Variants in SLC9A6 observed in about 807,000 individuals in gnomAD.
The protein encoded by SLC9A6 is sodium/hydrogen exchanger 6.
Under a neutral mutation model 45.3 loss-of-function variants are expected in SLC9A6, and 6 were observed. The ratio of observed to expected loss-of-function variants is 0.13; its 90% confidence interval spans 0.07 to 0.26. The LOEUF is 0.26. Among genes scored for constraint, SLC9A6 ranks in the 10% least tolerant of loss-of-function variants. The pLI is 1.00. For synonymous variants in SLC9A6, 191 were observed against 187.7 expected, an observed-to-expected ratio of 1.02 and a Z score of -0.14; for missense variants, 278 against 503.7, an observed-to-expected ratio of 0.55 and a Z score of 4.29.
upstream of SLC9A6, among the ~76,000 whole-genome samples, chrX:135,974,469 G>A (rs1198874373): frequency 1.4e-5 from 1 of 72,198 alleles, no homozygotes; most frequent in Non-Finnish European, 2.7e-5. Flanking sequence ...TGGGACCGAG[G>A]GGGCGGGGAG....
At chrX:135,991,415 G>A (rs1168225394) in intron 2 of SLC9A6, among the ~76,000 whole-genome samples, 20 of 110,314 alleles carry the variant, frequency 1.8e-4, no homozygotes, top group Admixed American at 1.5e-3. Context: ...CTGCCACCAC[G>A]CCCGGCTAAT....
In SLC9A6 at chrX:135,994,727, G is replaced by A. The variant is rs2089475501; in HGVS notation, c.170-59G>A. 5.7e-6 allele frequency: 6 copies of A among 1,056,976 alleles called. No individual in the cohort carries two copies. The East Asian group carries it at 1.8e-4, about 32-fold the overall frequency. The allele number at this position is 1,056,976 out of a possible 1,213,427, so 87.1% of individuals were successfully genotyped here. Reference sequence around the variant, plus strand: ...TTTTCTCTTATCCATAGTTATGCGTGGGGTACAAAAGAAGTGGTCTCTGTC... The same window carrying A: ...TTTTCTCTTATCCATAGTTATGCGTAGGGTACAAAAGAAGTGGTCTCTGTC... On this transcript the variant is annotated intron_variant, in intron 2 of 17. Transcript: ENST00000630721.
intron 3 of SLC9A6, among the ~76,000 whole-genome samples, chrX:135,996,108 T>C (rs1173724201): frequency 9.9e-6 from 1 of 101,477 alleles, no homozygotes; most frequent in Non-Finnish European, 2.0e-5. Context: ...CTCAGCTCTC[T>C]GCAACCCCCG....
intron 11 of SLC9A6, among the ~76,000 whole-genome samples, chrX:136,017,601 A>G (rs2071044135): frequency 9.0e-6 from 1 of 111,317 alleles, no homozygotes; most frequent in Admixed American, 9.6e-5. Context: ...AGGATAGGGT[A>G]TGTAGAAATG....
chrX:135,996,259 T>A (rs1406782392), intron 3 of SLC9A6, among the ~76,000 whole-genome samples: 2 of 109,516 alleles, frequency 1.8e-5, no homozygotes, highest in Non-Finnish European at 1.9e-5. Flanking sequence ...CTCAAACTCC[T>A]GGACTCAGGC....
chrX:135,982,596 C>A, upstream of SLC9A6, among the ~76,000 whole-genome samples: 1 of 110,501 alleles, frequency 9.0e-6, no homozygotes, highest in Non-Finnish European at 1.9e-5. Context: ...TCCTCAGCCT[C>A]CTCAGTAGCT....
chrX:136,007,012 G>A (rs2089667973), intron 7 of SLC9A6, among the ~76,000 whole-genome samples: 1 of 110,660 alleles, frequency 9.0e-6, no homozygotes, highest in Admixed American at 9.6e-5. Context: ...GATTACAGGT[G>A]CACACCACCA....
intron 1 of SLC9A6, among the ~76,000 whole-genome samples, chrX:135,976,340 A>T (rs1603179900): frequency 8.9e-6 from 1 of 112,196 alleles, no homozygotes; most frequent in East Asian, 2.8e-4. Flanking sequence ...GTTTTGTCTA[A>T]AATAATGGTC....
chrX:136,012,734 A>G (rs1394570010), intron 8 of SLC9A6, among the ~76,000 whole-genome samples: 7 of 112,317 alleles, frequency 6.2e-5, no homozygotes, highest in Admixed American at 3.8e-4. Context: ...TGGAGTGGCT[A>G]AGCCGTAAGG....
intron 17 of SLC9A6, among the ~76,000 whole-genome samples, chrX:136,042,830 C>T (rs1240443407): frequency 2.7e-5 from 3 of 110,752 alleles, no homozygotes; most frequent in Non-Finnish European, 5.7e-5. Context: ...TTCATGGCTA[C>T]GTCCTATTCC....
In SLC9A6 at chrX:135,994,927, A is replaced by G. The variant is rs1411166605; in HGVS notation, c.311A>G (p.Lys104Arg). The G allele has an allele frequency of 4.2e-6, 5 of 1,203,501 alleles. No individual in the cohort carries two copies. Among genetic ancestry groups the G allele is most frequent in the Non-Finnish European group, 5.6e-6 (5 of 889,108 alleles). The change falls in exon 3 of 18, where the codon AAA (lysine) becomes AGA (arginine). Residue 104 changes from lysine to arginine, a missense_variant. Coordinates refer to ENST00000630721, the MANE Select transcript of SLC9A6 (RefSeq NM_001379110.1). ...VSGKFYEYMLKGEISSHELNN... is the reference protein window; with the variant it reads ...VSGKFYEYMLRGEISSHELNN... Reference sequence around the variant, plus strand: ...GGAAAATTTTATGAGTATATGCTGAAAGGAGAGATTAGTTCACATGAACTC... The same window carrying G: ...GGAAAATTTTATGAGTATATGCTGAGAGGAGAGATTAGTTCACATGAACTC...
At chrX:135,974,028 A>C (rs1449964039), upstream of SLC9A6, 4 of 522,240 alleles carry the variant, frequency 7.7e-6, no homozygotes, top group Non-Finnish European at 1.1e-5. Flanking sequence ...AGTGGCGAGA[A>C]CAGGGTGGGG....
rs782125993 is a variant in SLC9A6, at chrX:136,045,446, A to G, written c.*722A>G. The G allele has an allele frequency of 1.6e-3, 181 of 112,539 alleles. No individual in the cohort carries two copies. The highest frequency in any genetic ancestry group is 2.3e-3 in the Admixed American group (24 of 10,553). 9.3% of individuals were successfully genotyped at this position (112,539 alleles called of 1,213,427 possible). ...GGAGTCACATCTAGCCGGCTTAGCC[A>G]AAGTACAGGTGTATATAGTTCAGGG... On this transcript the variant is annotated 3_prime_UTR_variant, in exon 18 of 18. Coordinates refer to ENST00000630721, the MANE Select transcript of SLC9A6 (RefSeq NM_001379110.1).
intron 7 of SLC9A6, among the ~76,000 whole-genome samples, chrX:136,006,296 C>G (rs781885091): frequency 1.5e-4 from 16 of 108,602 alleles, no homozygotes; most frequent in African/African-American, 5.3e-4. Flanking sequence ...TTGTTTCTGT[C>G]TGGTTTTTTT....
intron 7 of SLC9A6, among the ~76,000 whole-genome samples, chrX:136,006,331 C>T (rs1267640742): frequency 2.8e-5 from 3 of 107,345 alleles, no homozygotes; most frequent in African/African-American, 1.0e-4. Flanking sequence ...ATTTTAAGTT[C>T]AAGGGTACAT....
intron 13 of SLC9A6, among the ~76,000 whole-genome samples, chrX:136,028,261 T>C (rs1417353791): frequency 8.9e-6 from 1 of 112,320 alleles, no homozygotes; most frequent in Non-Finnish European, 1.9e-5. Context: ...TTAGCCCCAT[T>C]TTCCAGGTGA....
At chrX:135,976,815 A>G (rs899689241) in intron 1 of SLC9A6, among the ~76,000 whole-genome samples, 17 of 111,494 alleles carry the variant, frequency 1.5e-4, no homozygotes, top group Non-Finnish European at 2.6e-4. Context: ...CCATGTCCAG[A>G]TATTGAGTTT....
chrX:136,033,154 ACCCGGC>A (rs2071356820), intron 15 of SLC9A6: 1 of 240,140 alleles, frequency 4.2e-6, no homozygotes, highest in Admixed American at 5.7e-5. Flanking sequence ...GAGCCACCAC[ACCCGGC>A]CCCCACATTG....
chrX:136,036,932 T>C (rs2071421809), intron 16 of SLC9A6, among the ~76,000 whole-genome samples: 1 of 112,521 alleles, frequency 8.9e-6, no homozygotes, highest in African/African-American at 3.2e-5. Flanking sequence ...TTTTTCCATA[T>C]GCATATCCAG....
Sources: gnomAD v4.1 joint callset for allele counts (sites outside exome capture counted in the v4.1 genomes callset) on GRCh38, gnomAD v4.1.1 for gene constraint, MANE v1.5 for transcripts, NCBI Gene and HGNC (gene_info 2026-07-23, HGNC 2026-07-21) for gene names.